The following SGK1 variants were observed in gnomAD, a reference collection of about 807,000 sequenced individuals.
The protein encoded by SGK1 is serine/threonine-protein kinase Sgk1.
SGK1 carries 26 observed loss-of-function variants against 64.2 expected under a neutral mutation model. The observed-to-expected ratio is 0.40, with a 90% CI of 0.30 to 0.56. The LOEUF (loss-of-function observed/expected upper bound fraction) is 0.56. Ranked by LOEUF, SGK1 falls within the 20% of genes least tolerant of loss-of-function variation. The pLI, the probability that SGK1 is intolerant of heterozygous loss-of-function variation, is 0.38. For synonymous variants in SGK1, 265 were observed against 239.7 expected (o/e 1.11, Z -0.98); for missense variants, 519 against 645.6 (o/e 0.80, Z 2.12).
chr6:134,218,391 A>T (rs148527776), intron 2 of SGK1, among the ~76,000 whole-genome samples: 1 of 151,922 alleles, frequency 6.6e-6, no homozygotes, highest in Non-Finnish European at 1.5e-5. Context: ...GAACAGACAG[A>T]CAGATCTTGC....
chr6:134,185,555 A>AGTGTGTGTGTGTGTGTGT (rs55653141), intron 3 of SGK1, among the ~76,000 whole-genome samples: 92 of 145,420 alleles, frequency 6.3e-4, no homozygotes, highest in Non-Finnish European at 1.0e-3. Context: ...TATCTCTATG[A>AGTGTGTGTGTGTGTGTGT]GTGTGTGTGT....
chr6:134,281,588 G>C (rs1356161464), intron 1 of SGK1, among the ~76,000 whole-genome samples: 1 of 149,992 alleles, frequency 6.7e-6, no homozygotes, highest in Non-Finnish European at 1.5e-5. Context: ...CGTAATCACA[G>C]CTCACTGCAG....
In SGK1 at chr6:134,230,214, C is replaced by T. The variant is rs1353114867; in HGVS notation, c.286-22783G>A. On this transcript the variant is annotated intron_variant, in intron 2 of 13. Coordinates refer to ENST00000367858, the MANE Select transcript of SGK1 (RefSeq NM_001143676.3). Reference sequence around the variant, plus strand: ...GCAGATCAAAATTTAGAGCCGCACACGGCACCTCACACCTGTAATTCCAGC... The same window carrying T: ...GCAGATCAAAATTTAGAGCCGCACATGGCACCTCACACCTGTAATTCCAGC... Among the ~76,000 whole-genome samples the T allele has an allele frequency of 6.6e-5, 10 of 152,250 alleles. No homozygotes were observed. The South Asian group carries it at 1.2e-3, about 19-fold the overall frequency.
rs201259463 is a variant in SGK1 at position 134,172,256 on chromosome 6, G to A, written c.1008C>T (p.Phe336=). ...DSQGHIVLTD[F]GLCKENIEHN... The stretch of plus-strand genomic sequence containing the variant: ...GTTCAATGTTCTCCTTGCAGAGTCC[G>A]AAGTCAGTAAGGACAATGTGTCCCT... Residue 336 remains phenylalanine (F), a synonymous_variant, in exon 10 of 14, where the codon TTC becomes TTT. Transcript: ENST00000367858. The A allele has an allele frequency of 3.2e-5, 51 of 1,614,082 alleles. 1 individual carries two copies. Among genetic ancestry groups the A allele is most frequent in the South Asian group, 8.8e-5 (8 of 91,080 alleles).
intron 1 of SGK1, among the ~76,000 whole-genome samples, chr6:134,306,914 G>GGC (rs1777543741): frequency 6.8e-6 from 1 of 147,246 alleles, no homozygotes. Flanking sequence ...AAATAAAAGG[G>GGC]GGGGGGGGCG....
intron 3 of SGK1, among the ~76,000 whole-genome samples, chr6:134,203,448 T>C (rs566809438): frequency 4.2e-4 from 64 of 151,710 alleles, no homozygotes; most frequent in African/African-American, 1.5e-3. Context: ...AGCAAAACAG[T>C]AAAGTTAAAT....
At chr6:134,231,900 C>T (rs1306798089) in intron 2 of SGK1, among the ~76,000 whole-genome samples, 6 of 151,436 alleles carry the variant, frequency 4.0e-5, no homozygotes, top group African/African-American at 9.7e-5. Flanking sequence ...ATTAGCCAGG[C>T]GTGGTGGCAG....
At chr6:134,221,413 A>G (rs1289841771) in intron 2 of SGK1, among the ~76,000 whole-genome samples, 2 of 152,300 alleles carry the variant, frequency 1.3e-5, no homozygotes, top group East Asian at 3.9e-4. Context: ...CTGAGCCCTC[A>G]CCCTGGAATG....
intron 1 of SGK1, among the ~76,000 whole-genome samples, chr6:134,295,382 G>A (rs896671184): frequency 1.3e-5 from 2 of 152,180 alleles, no homozygotes; most frequent in African/African-American, 4.8e-5. Context: ...TAAGCACAGG[G>A]ATATCAAGGT....
chr6:134,205,061 G>A (rs1050708709), intron 3 of SGK1, among the ~76,000 whole-genome samples: 54 of 152,008 alleles, frequency 3.6e-4, no homozygotes, highest in African/African-American at 1.3e-3. Context: ...AAGAATAGCT[G>A]CTTCACAGAT....
chr6:134,261,518 G>A, intron 2 of SGK1: 1 of 356,620 alleles, frequency 2.8e-6, no homozygotes, highest in Non-Finnish European at 5.1e-6. Context: ...GAGGGCAGAG[G>A]ATTTTTAGGG....
In SGK1 at chr6:134,276,324, A is replaced by G. The variant is rs1053339866; in HGVS notation, c.70-14176T>C. The stretch of plus-strand genomic sequence containing the variant: ...AATCAACAATTGGAAGACAGTGTTA[A>G]AGCGAGCATGAGTTCATCTCTGGGG... On this transcript the variant is annotated intron_variant, in intron 1 of 13. Transcript: ENST00000367858. Among the ~76,000 whole-genome samples, 3 of 152,210 alleles carry G rather than the reference A, an allele frequency of 2.0e-5. No homozygotes were observed. The East Asian group carries it at 5.8e-4, about 29-fold the overall frequency.
chr6:134,261,756 C>T (rs758116287), intron 2 of SGK1, 177 bp downstream of exon 2: 23 of 634,886 alleles, frequency 3.6e-5, no homozygotes, highest in Middle Eastern at 4.1e-4. Flanking sequence ...AATATAAAGC[C>T]TACTTTAAAA....
intron 9 of SGK1, 49 bp downstream of exon 9, chr6:134,172,613 A>C (rs2114633656): frequency 8.2e-7 from 1 of 1,225,432 alleles, no homozygotes; most frequent in Non-Finnish European, 1.2e-6. Context: ...AGCCAGTGCT[A>C]CGTCTCCTTT....
chr6:134,174,817 G>C (rs768670628), intron 3 of SGK1: 25 of 1,614,040 alleles, frequency 1.5e-5, no homozygotes, highest in Non-Finnish European at 1.9e-5. Context: ...TCACCACCGC[G>C]GGGAGACAGA....
At chr6:134,239,793 T>C (rs537949350) in intron 2 of SGK1, among the ~76,000 whole-genome samples, 1 of 152,178 alleles carries the variant, frequency 6.6e-6, no homozygotes, top group Non-Finnish European at 1.5e-5. Context: ...TGCTCTAACC[T>C]ATCTGCAAAT....
intron 1 of SGK1, among the ~76,000 whole-genome samples, chr6:134,274,799 C>A (rs1776995616): frequency 6.6e-6 from 1 of 150,952 alleles, no homozygotes; most frequent in Admixed American, 6.6e-5. Context: ...CTTTTCTTTT[C>A]TTTTCTTTTC....
intron 1 of SGK1, among the ~76,000 whole-genome samples, chr6:134,310,622 G>A (rs892172644): frequency 2.0e-5 from 3 of 152,184 alleles, no homozygotes; most frequent in African/African-American, 7.2e-5. Context: ...CTGTCTCACT[G>A]TGTTATCCAG....
intron 1 of SGK1, among the ~76,000 whole-genome samples, chr6:134,308,616 G>A (rs1690453324): frequency 6.6e-6 from 1 of 152,036 alleles, no homozygotes; most frequent in African/African-American, 2.4e-5. Context: ...GCGTGAAGTG[G>A]TGCCCTCTCA....
Sources: gnomAD v4.1 joint callset for allele counts (sites outside exome capture counted in the v4.1 genomes callset) on GRCh38, gnomAD v4.1.1 for gene constraint, MANE v1.5 for transcripts, NCBI Gene and HGNC (gene_info 2026-07-23, HGNC 2026-07-21) for gene names.